The following NFX1 variants were observed in gnomAD, a reference collection of about 807,000 sequenced individuals.
The protein encoded by NFX1 is nuclear transcription factor, X-box binding 1, also known as transcriptional repressor NF-X1.
In NFX1, 69 loss-of-function variants were observed where a neutral mutation model predicts 137.2. The ratio of observed to expected loss-of-function variants is 0.50; its 90% confidence interval spans 0.41 to 0.61. The LOEUF (loss-of-function observed/expected upper bound fraction) is 0.61. NFX1 is among the 20% of genes least tolerant of loss of function. The pLI is 0.00. For missense variants in NFX1, 1,167 were observed against 1,391.0 expected, an observed-to-expected ratio of 0.84 and a Z score of 2.56; for synonymous variants, 495 against 474.1, an observed-to-expected ratio of 1.04 and a Z score of -0.57.
chr9:33,370,080 A>T lies in NFX1; in HGVS notation c.*102A>T. 1 of 836,772 alleles carries T rather than the reference A, an allele frequency of 1.2e-6. No individual in the cohort carries two copies. Among genetic ancestry groups the T allele is most frequent in the South Asian group, 1.5e-5 (1 of 66,576 alleles). The allele number at this position is 836,772 out of a possible 1,614,324, so 51.8% of individuals were successfully genotyped here. ...GTTCCCCTCTGCCTGGCAGAATCACAGTCTCACATACTGTCTTGTACTGAC... is the reference window on the plus strand; with the variant it reads ...GTTCCCCTCTGCCTGGCAGAATCACTGTCTCACATACTGTCTTGTACTGAC... On this transcript the variant is annotated 3_prime_UTR_variant, in exon 24 of 24. Transcript: ENST00000379540.
chr9:33,297,609 T>A (rs1289399192), intron 2 of NFX1, among the ~76,000 whole-genome samples: 1 of 152,222 alleles, frequency 6.6e-6, no homozygotes, highest in African/African-American at 2.4e-5. Flanking sequence ...CAGGGTTCTC[T>A]TTCAGTCACT....
At chr9:33,355,888 A>G (rs1213504355) in intron 19 of NFX1, among the ~76,000 whole-genome samples, 2 of 152,036 alleles carry the variant, frequency 1.3e-5, no homozygotes, top group Middle Eastern at 3.2e-3. Context: ...CAGGTGATCC[A>G]CCTGCCTCGA....
At chr9:33,303,371 C>T in intron 4 of NFX1, 103 bp downstream of exon 4, 1 of 922,184 alleles carries the variant, frequency 1.1e-6, no homozygotes, top group Non-Finnish European at 1.8e-6. Flanking sequence ...ACTAATGAGA[C>T]TTCAAAGCTC....
At chr9:33,343,249 A>T (rs918134729) in intron 13 of NFX1, among the ~76,000 whole-genome samples, 1 of 152,172 alleles carries the variant, frequency 6.6e-6, no homozygotes, top group African/African-American at 2.4e-5. Flanking sequence ...TGTGAATTGT[A>T]TTTATCTTTA....
intron 2 of NFX1, 125 bp from the exon 3 acceptor site, chr9:33,301,138 T>A (rs1316263554): frequency 1.2e-6 from 1 of 862,132 alleles, no homozygotes; most frequent in Non-Finnish European, 1.8e-6. Flanking sequence ...CAGAATCAGA[T>A]ATCCCTTAAA....
At chr9:33,315,452 C>G (rs1822124969) in intron 7 of NFX1, among the ~76,000 whole-genome samples, 1 of 152,118 alleles carries the variant, frequency 6.6e-6, no homozygotes, top group Non-Finnish European at 1.5e-5. Context: ...CTCTCTCCTT[C>G]GTCTGCCTTT....
At chr9:33,301,456 C>G (rs1821562757) in intron 3 of NFX1, 35 bp downstream of exon 3, 1 of 1,598,882 alleles carries the variant, frequency 6.3e-7, no homozygotes, top group Non-Finnish European at 8.5e-7. Context: ...AGTTATTCTC[C>G]CCTATTTGAT....
intron 21 of NFX1, chr9:33,365,245 G>C (rs1824135682): frequency 6.4e-6 from 1 of 155,298 alleles, no homozygotes. Flanking sequence ...CTGCACTCCA[G>C]CCTGGGCAAC....
intron 12 of NFX1, among the ~76,000 whole-genome samples, chr9:33,341,352 C>T (rs556644922): frequency 1.1e-4 from 17 of 152,162 alleles, no homozygotes; most frequent in Admixed American, 2.0e-4. Context: ...GAGAACAGCA[C>T]GGGAAAGACC....
intron 14 of NFX1, among the ~76,000 whole-genome samples, chr9:33,345,534 C>T (rs1823389199): frequency 6.6e-6 from 1 of 152,192 alleles, no homozygotes; most frequent in East Asian, 1.9e-4. Flanking sequence ...TTATATGTCA[C>T]CTCCAAAGAA....
chr9:33,305,928 G>A (rs955609635), intron 4 of NFX1, among the ~76,000 whole-genome samples: 2 of 152,124 alleles, frequency 1.3e-5, no homozygotes, highest in South Asian at 2.1e-4. Flanking sequence ...AGACCCTAGC[G>A]GATGAAAGGG....
intron 19 of NFX1, among the ~76,000 whole-genome samples, chr9:33,358,793 C>A (rs1823900805): frequency 6.6e-6 from 1 of 151,148 alleles, no homozygotes; most frequent in African/African-American, 2.4e-5. Flanking sequence ...TCCCAAGTAG[C>A]TGGAACTGCA....
chr9:33,294,981 C>T lies in NFX1; in HGVS notation c.587C>T (p.Thr196Ile), dbSNP rs749231661. Reference protein sequence around the residue: ...GKLKCEWSNRTTPKPEDAGPE... With the variant: ...GKLKCEWSNRITPKPEDAGPE... The stretch of plus-strand genomic sequence containing the variant: ...CTCAAATGTGAATGGAGTAACCGAA[C>T]AACTCCAAAACCGGAGGATGCTGGA... The change falls in exon 2 of 24, where the codon ACA (threonine) becomes ATA (isoleucine). Residue 196 changes from threonine to isoleucine, a missense_variant. Coordinates refer to ENST00000379540, the MANE Select transcript of NFX1 (RefSeq NM_002504.6). 23 of 1,614,026 alleles carry T rather than the reference C, an allele frequency of 1.4e-5. 1 individual carries two copies. The South Asian group carries it at 2.5e-4, about 18-fold the overall frequency.
At chr9:33,342,344 C>G (rs1445511117) in intron 12 of NFX1, among the ~76,000 whole-genome samples, 1 of 151,932 alleles carries the variant, frequency 6.6e-6, no homozygotes, top group African/African-American at 2.4e-5. Context: ...TGCCTGTAGT[C>G]CCAGCTACTC....
chr9:33,359,438 A>G (rs1304364159), intron 19 of NFX1, among the ~76,000 whole-genome samples: 31 of 152,140 alleles, frequency 2.0e-4, no homozygotes, highest in Admixed American at 2.0e-3. Flanking sequence ...GTCTCTACTA[A>G]AAATACAAAA....
rs566608110 is a variant in NFX1 at position 33,360,183 on chromosome 9, T to G, written c.2874-3827T>G. On this transcript the variant is annotated intron_variant, in intron 19 of 23. Coordinates refer to ENST00000379540, the MANE Select transcript of NFX1 (RefSeq NM_002504.6). Reference sequence around the variant, plus strand: ...GTCTCCAAACATGGAAATGTACTTTTGGTGGTTGAAAGACATATTGTATAC... The same window carrying G: ...GTCTCCAAACATGGAAATGTACTTTGGGTGGTTGAAAGACATATTGTATAC... Among the ~76,000 whole-genome samples the G allele has an allele frequency of 5.9e-5, 9 of 152,314 alleles. No individual in the cohort carries two copies. The South Asian group carries it at 8.3e-4, about 14-fold the overall frequency.
chr9:33,336,041 G>A (rs1371022725), intron 11 of NFX1, among the ~76,000 whole-genome samples: 1 of 151,896 alleles, frequency 6.6e-6, no homozygotes, highest in African/African-American at 2.4e-5. Flanking sequence ...ATTTCTTTGG[G>A]GTATATACCT....
intron 1 of NFX1, 121 bp downstream of exon 1, chr9:33,290,718 A>C: frequency 1.0e-6 from 1 of 983,456 alleles, no homozygotes; most frequent in South Asian, 1.6e-5. Flanking sequence ...GGCGTAGGAT[A>C]GTGGCTCGGA....
chr9:33,316,311 CTT>C (rs76394304), intron 7 of NFX1, among the ~76,000 whole-genome samples: 21 of 140,698 alleles, frequency 1.5e-4, no homozygotes, highest in Non-Finnish European at 1.7e-4. Context: ...CTTACCAAGC[CTT>C]TTTTTTTTTT....
Sources: allele counts gnomAD v4.1 joint callset (sites outside exome capture counted in the v4.1 genomes callset), GRCh38; gene constraint gnomAD v4.1.1; transcripts MANE v1.5; gene names NCBI Gene and HGNC (gene_info 2026-07-23, HGNC 2026-07-21).